ENTREP2: variants seen among roughly 807,000 people sequenced by gnomAD.
The protein encoded by ENTREP2 is endosomal transmembrane epsin interactor 2, also known as protein ENTREP2.
At chr15:29,337,317 G>A in the ENTREP2 span, among the ~76,000 whole-genome samples, 3 of 152,110 alleles carry the variant, frequency 2.0e-5, no homozygotes, top group Admixed American at 6.5e-5. Context: ...ATGGATCTGT[G>A]TGGGGGCATG....
At chr15:29,638,604 TG>T in the ENTREP2 span, among the ~76,000 whole-genome samples, 1 of 152,212 alleles carries the variant, frequency 6.6e-6, no homozygotes, top group Non-Finnish European at 1.5e-5. Context: ...GGGCTGGGTG[TG>T]GTGGTTCACA....
At chr15:29,238,744 G>GT in the ENTREP2 span, among the ~76,000 whole-genome samples, 1 of 152,174 alleles carries the variant, frequency 6.6e-6, no homozygotes, top group Non-Finnish European at 1.5e-5. Context: ...ATGGCAGAAG[G>GT]TGAAGGGAAG....
the ENTREP2 span, among the ~76,000 whole-genome samples, chr15:29,472,618 C>A: frequency 2.6e-5 from 4 of 152,216 alleles, no homozygotes; most frequent in Non-Finnish European, 4.4e-5. Flanking sequence ...GCTCCCCCCA[C>A]CACGCCCAGC....
At chr15:29,446,511 C>T in the ENTREP2 span, among the ~76,000 whole-genome samples, 2 of 152,188 alleles carry the variant, frequency 1.3e-5, no homozygotes, top group African/African-American at 2.4e-5. Context: ...CAGAGCAAAG[C>T]CAACATGCCA....
the ENTREP2 span, among the ~76,000 whole-genome samples, chr15:29,495,565 G>T: frequency 6.6e-6 from 1 of 152,000 alleles, no homozygotes; most frequent in Non-Finnish European, 1.5e-5. Flanking sequence ...TGATTTTTGT[G>T]TACAGTGTCA....
At chr15:29,657,475 T>TGCGGGGGCAGGGCGGGGCG in the ENTREP2 span, among the ~76,000 whole-genome samples, 6 of 3,804 alleles carry the variant, frequency 1.6e-3, no homozygotes, top group South Asian at 0.012. Context: ...CGCTGTCGGC[T>TGCGGGGGCAGGGCGGGGCG]GGGGGGGCGG....
At chr15:29,399,867 T>C in the ENTREP2 span, among the ~76,000 whole-genome samples, 2 of 152,186 alleles carry the variant, frequency 1.3e-5, no homozygotes, top group Non-Finnish European at 2.9e-5. Flanking sequence ...AAGTGGATCA[T>C]CATAAAGGCC....
chr15:29,534,582 G>T, the ENTREP2 span, among the ~76,000 whole-genome samples: 1 of 152,162 alleles, frequency 6.6e-6, no homozygotes, highest in African/African-American at 2.4e-5. Flanking sequence ...GAAATGCCAA[G>T]ATAAGAGTAA....
the ENTREP2 span, among the ~76,000 whole-genome samples, chr15:29,383,647 G>A: frequency 1.3e-5 from 2 of 152,076 alleles, no homozygotes; most frequent in East Asian, 3.9e-4. Flanking sequence ...AACTCACAAG[G>A]TACCCTTGGT....
the ENTREP2 span, among the ~76,000 whole-genome samples, chr15:29,640,049 G>A: frequency 5.9e-5 from 9 of 152,178 alleles, no homozygotes; most frequent in African/African-American, 1.2e-4. Context: ...GATTACAGGT[G>A]TGAGCCACCA....
At chr15:29,516,029 T>C in the ENTREP2 span, among the ~76,000 whole-genome samples, 1 of 152,136 alleles carries the variant, frequency 6.6e-6, no homozygotes, top group Non-Finnish European at 1.5e-5. Context: ...GCTCCTACAA[T>C]GAACAGCAGA....
chr15:29,490,108 G>A, the ENTREP2 span, among the ~76,000 whole-genome samples: 2 of 152,148 alleles, frequency 1.3e-5, no homozygotes, highest in African/African-American at 2.4e-5. Flanking sequence ...CGGAATTGGT[G>A]GGTTCTCGGT....
the ENTREP2 span, among the ~76,000 whole-genome samples, chr15:29,195,945 G>C: frequency 1.6e-3 from 244 of 152,094 alleles, 1 homozygote; most frequent in Non-Finnish European, 2.1e-3. Flanking sequence ...AAAACACTCG[G>C]AAGAAAAAAT....
At chr15:29,383,910 A>G in the ENTREP2 span, among the ~76,000 whole-genome samples, 1 of 152,122 alleles carries the variant, frequency 6.6e-6, no homozygotes, top group South Asian at 2.1e-4. Flanking sequence ...GACATTATTT[A>G]CAGCCATTTC....
At chr15:29,525,578 A>C in the ENTREP2 span, among the ~76,000 whole-genome samples, 6 of 152,374 alleles carry the variant, frequency 3.9e-5, no homozygotes, top group African/African-American at 1.4e-4. Flanking sequence ...TAAACTAGGC[A>C]CATGAAACAA....
the ENTREP2 span, among the ~76,000 whole-genome samples, chr15:29,484,278 G>A: frequency 1.3e-5 from 2 of 152,076 alleles, no homozygotes; most frequent in African/African-American, 4.8e-5. Flanking sequence ...CCTCAGCATG[G>A]ACTACAAGTG....
chr15:29,352,744 G>T, the ENTREP2 span, among the ~76,000 whole-genome samples: 1 of 152,148 alleles, frequency 6.6e-6, no homozygotes, highest in Admixed American at 6.5e-5. Context: ...CTTTTCTTAG[G>T]AGCTGCTATT....
the ENTREP2 span, among the ~76,000 whole-genome samples, chr15:29,429,959 G>A: frequency 5.3e-5 from 8 of 152,164 alleles, no homozygotes; most frequent in Admixed American, 6.5e-5. Context: ...TATACAATAG[G>A]GCTGGGCGCA....
At chr15:29,249,276 C>T in the ENTREP2 span, among the ~76,000 whole-genome samples, 3 of 152,160 alleles carry the variant, frequency 2.0e-5, no homozygotes, top group African/African-American at 7.2e-5. Flanking sequence ...CCACTGCACA[C>T]CAGCCTGGGT....
Sources: gnomAD v4.1 joint callset for allele counts (sites outside exome capture counted in the v4.1 genomes callset) on GRCh38, gnomAD v4.1.1 for gene constraint, MANE v1.5 for transcripts, NCBI Gene and HGNC (gene_info 2026-07-23, HGNC 2026-07-21) for gene names.